Variants in MBNL2 observed in about 807,000 individuals in gnomAD.
MBNL2 encodes the protein muscleblind-like protein 2.
Under a neutral mutation model 41.9 loss-of-function variants are expected in MBNL2, and 17 were observed. The ratio of observed to expected loss-of-function variants is 0.41; its 90% CI spans 0.28 to 0.61. The LOEUF is 0.61. Among genes scored for constraint, MBNL2 ranks in the 20% least tolerant of loss-of-function variants. The probability of loss-of-function intolerance (pLI) is 0.35; values close to 1 mark genes in which losing one functional copy is unlikely to be tolerated. For synonymous variants in MBNL2, 195 were observed against 182.9 expected (o/e 1.07, Z -0.53); for missense variants, 336 against 505.6 (o/e 0.66, Z 3.22).
chr13:97,377,414 A>G (rs906089192), intron 8 of MBNL2, among the ~76,000 whole-genome samples: 1 of 152,240 alleles, frequency 6.6e-6, no homozygotes, highest in African/African-American at 2.4e-5. Flanking sequence ...GCCGCAATTC[A>G]GCTTGAATAT....
chr13:97,248,501 C>T (rs754053707), intron 1 of MBNL2, among the ~76,000 whole-genome samples: 3 of 152,184 alleles, frequency 2.0e-5, no homozygotes, highest in Non-Finnish European at 4.4e-5. Context: ...TTGGTTAAAG[C>T]AGGAGACAGT....
In MBNL2 at chr13:97,276,354, C is replaced by G. The variant is rs781670889; in HGVS notation, c.119C>G (p.Pro40Arg). The G allele has an allele frequency of 5.0e-6, 8 of 1,614,056 alleles. No homozygotes were observed. In the East Asian group the frequency reaches 8.9e-5, roughly 18 times the overall value. ...SDEECKFAHP[P>R]KSCQVENGRV... ...GAAGAATGCAAATTTGCTCATCCCC[C>G]CAAAAGTTGTCAGGTTGAAAATGGA... Residue 40 changes from proline to arginine, a missense_variant, in exon 2 of 9, where the codon CCC becomes CGC. Pro to Arg is a moderately radical substitution (Grantham distance 103, BLOSUM62 -2). Coordinates refer to ENST00000679496, the MANE Select transcript of MBNL2 (RefSeq NM_001382683.1).
intron 2 of MBNL2, among the ~76,000 whole-genome samples, chr13:97,312,325 G>C (rs986968867): frequency 6.6e-6 from 1 of 152,188 alleles, no homozygotes; most frequent in African/African-American, 2.4e-5. Context: ...AAACAGAGAA[G>C]TTTCTCTTCT....
the MBNL2 span, among the ~76,000 whole-genome samples, chr13:97,161,457 C>T: frequency 1.3e-5 from 2 of 152,144 alleles, no homozygotes; most frequent in Non-Finnish European, 2.9e-5. Context: ...GAACTTCCAG[C>T]TATTCTAGTG....
At chr13:97,380,658 TATC>T (rs1005571320) in intron 8 of MBNL2, among the ~76,000 whole-genome samples, 3 of 152,168 alleles carry the variant, frequency 2.0e-5, no homozygotes, top group African/African-American at 2.4e-5. Flanking sequence ...TCAGAGTCCT[TATC>T]ATATGAGAAG....
intron 1 of MBNL2, among the ~76,000 whole-genome samples, chr13:97,235,410 A>G (rs1473295906): frequency 6.6e-6 from 1 of 152,196 alleles, no homozygotes; most frequent in Non-Finnish European, 1.5e-5. Context: ...TGATCAGAAA[A>G]TGTAACTGAG....
chr13:97,215,935 G>A, the MBNL2 span, among the ~76,000 whole-genome samples: 1 of 152,144 alleles, frequency 6.6e-6, no homozygotes, highest in Non-Finnish European at 1.5e-5. Flanking sequence ...TAAAAATAGT[G>A]GCTAACAGAC....
chr13:97,162,925 A>G, the MBNL2 span, among the ~76,000 whole-genome samples: 1 of 152,172 alleles, frequency 6.6e-6, no homozygotes, highest in Non-Finnish European at 1.5e-5. Context: ...GCAAGAAACA[A>G]AGGTCGTGAG....
chr13:97,239,760 T>C (rs766688796), intron 1 of MBNL2, among the ~76,000 whole-genome samples: 3 of 152,252 alleles, frequency 2.0e-5, no homozygotes, highest in Non-Finnish European at 4.4e-5. Flanking sequence ...GCTTGAGTGC[T>C]GTAGGATAGA....
At chr13:97,205,559 A>G in the MBNL2 span, among the ~76,000 whole-genome samples, 12 of 152,288 alleles carry the variant, frequency 7.9e-5, no homozygotes, top group African/African-American at 2.9e-4. Context: ...TTAAGGGAGT[A>G]TCCTTTTAAA....
chr13:97,211,145 C>T, the MBNL2 span, among the ~76,000 whole-genome samples: 1 of 152,132 alleles, frequency 6.6e-6, no homozygotes, highest in Non-Finnish European at 1.5e-5. Context: ...AAAAGTAAGC[C>T]TTGTCTTGCT....
At chr13:97,313,029 G>A (rs931171184) in intron 2 of MBNL2, among the ~76,000 whole-genome samples, 2 of 152,170 alleles carry the variant, frequency 1.3e-5, no homozygotes, top group Non-Finnish European at 2.9e-5. Flanking sequence ...GGTAGCAATC[G>A]TCTACAGAGG....
chr13:97,166,413 T>C, the MBNL2 span, among the ~76,000 whole-genome samples: 1,209 of 152,218 alleles, frequency 7.9e-3, 18 homozygotes, highest in African/African-American at 0.027. Context: ...TAATACTGAG[T>C]GTCAACTTGA....
chr13:97,382,642 C>G (rs550832743), intron 8 of MBNL2, among the ~76,000 whole-genome samples: 62 of 151,240 alleles, frequency 4.1e-4, no homozygotes, highest in African/African-American at 1.4e-3. Context: ...TTCCCCATTT[C>G]TCTTGATGCC....
At chr13:97,297,076 G>A (rs2057116316) in intron 2 of MBNL2, among the ~76,000 whole-genome samples, 1 of 152,128 alleles carries the variant, frequency 6.6e-6, no homozygotes, top group African/African-American at 2.4e-5. Flanking sequence ...ACTATTTGAA[G>A]GTCAAAGTTG....
intron 8 of MBNL2, among the ~76,000 whole-genome samples, chr13:97,379,193 C>T (rs1439574368): frequency 1.2e-4 from 19 of 152,140 alleles, no homozygotes; most frequent in Admixed American, 1.2e-3. Flanking sequence ...AAAGTCCAAG[C>T]TCAATATCAG....
chr13:97,227,098 T>C (rs1220935995), intron 1 of MBNL2, among the ~76,000 whole-genome samples: 22 of 147,654 alleles, frequency 1.5e-4, no homozygotes, highest in Admixed American at 3.4e-4. Context: ...TTTGAAACAC[T>C]AAGTTTTGGG....
the MBNL2 span, among the ~76,000 whole-genome samples, chr13:97,151,559 A>G: frequency 3.5e-4 from 54 of 152,316 alleles, no homozygotes; most frequent in African/African-American, 1.3e-3. Context: ...AAATACTCCC[A>G]CCAAAGCTAA....
At chr13:97,292,149 C>T (rs1594165889) in intron 2 of MBNL2, among the ~76,000 whole-genome samples, 7 of 139,194 alleles carry the variant, frequency 5.0e-5, no homozygotes, top group Admixed American at 3.8e-4. Flanking sequence ...TGAAGTGAGC[C>T]GAGATCGCGC....
Sources: gnomAD v4.1 joint callset for allele counts (sites outside exome capture counted in the v4.1 genomes callset) on GRCh38, gnomAD v4.1.1 for gene constraint, MANE v1.5 for transcripts, NCBI Gene and HGNC (gene_info 2026-07-23, HGNC 2026-07-21) for gene names.